Variants in TMEM67 observed in about 807,000 individuals in gnomAD.
TMEM67 encodes meckelin.
A neutral mutation model predicts 136.6 loss-of-function variants in TMEM67; 124 were observed. That is an observed-to-expected ratio of 0.91 (90% CI 0.78 to 1.05). The LOEUF is 1.05. Among genes scored for constraint, TMEM67 ranks in the 50% least tolerant of loss-of-function variants. The pLI is 0.00. For synonymous variants in TMEM67, 364 were observed against 390.5 expected (o/e 0.93, Z 0.80); for missense variants, 1,107 against 1,178.4 (o/e 0.94, Z 0.89).
intron 7 of TMEM67, among the ~76,000 whole-genome samples, chr8:93,780,155 T>C (rs893439076): frequency 2.0e-5 from 3 of 151,954 alleles, no homozygotes; most frequent in African/African-American, 7.3e-5. Flanking sequence ...AGCAAGGCTC[T>C]GTAGGCGTGG....
chr8:93,807,665 C>T (rs1815214779), intron 23 of TMEM67, among the ~76,000 whole-genome samples: 1 of 151,728 alleles, frequency 6.6e-6, no homozygotes, highest in South Asian at 2.1e-4. Context: ...TCTGCAATGG[C>T]ATGAATATTT....
chr8:93,788,360 C>T (rs920564864), intron 14 of TMEM67, among the ~76,000 whole-genome samples: 3 of 152,068 alleles, frequency 2.0e-5, no homozygotes, highest in East Asian at 1.9e-4. Context: ...GCCAGGAATT[C>T]GAGACCAGCC....
At chr8:93,779,192 C>T (rs6471398) in intron 7 of TMEM67, among the ~76,000 whole-genome samples, 98,564 of 151,524 alleles carry the variant, frequency 0.65, 32,638 homozygotes, top group East Asian at 0.82. Flanking sequence ...TGTGCCATGT[C>T]TTTTAGCTCC....
At chr8:93,807,691 A>T (rs1306396996) in intron 23 of TMEM67, among the ~76,000 whole-genome samples, 2 of 151,806 alleles carry the variant, frequency 1.3e-5, no homozygotes, top group Non-Finnish European at 1.5e-5. Context: ...CAAGAAAAAA[A>T]TTTTTTAAAT....
chr8:93,756,020 C>A, intron 2 of TMEM67, 154 bp downstream of exon 2: 1 of 489,988 alleles, frequency 2.0e-6, no homozygotes, highest in South Asian at 4.2e-5. Flanking sequence ...TTTGGGAGAT[C>A]AGCGAAATTT....
intron 3 of TMEM67, chr8:93,759,317 T>C (rs977713780): frequency 6.6e-6 from 1 of 151,204 alleles, no homozygotes; most frequent in African/African-American, 2.4e-5. Flanking sequence ...AAAAAAATTA[T>C]TTGGTTACGG....
At chr8:93,820,966 C>T (rs774688460), downstream of TMEM67, among the ~76,000 whole-genome samples, 47 of 152,024 alleles carry the variant, frequency 3.1e-4, no homozygotes, top group Non-Finnish European at 5.9e-4. Context: ...ATTATTGTTA[C>T]AAGGAATACA....
At position 93,818,062 on chromosome 8, in the gene TMEM67, A is replaced by C. The variant is rs776701095; in HGVS notation, c.*1610A>C. On this transcript the variant is annotated 3_prime_UTR_variant, in exon 28 of 28. Coordinates refer to ENST00000453321, the MANE Select transcript of TMEM67 (RefSeq NM_153704.6). ...AACAGAAAACATTTAAAATCATTCT[A>C]AATTTTGTATGATATTTTTATTTTG... The C allele has an allele frequency of 1.3e-5, 2 of 152,224 alleles. No homozygotes were observed. The highest frequency in any genetic ancestry group is 2.4e-5 in the African/African-American group (1 of 41,468). The allele number at this position is 152,224 out of a possible 1,614,324, so 9.4% of individuals were successfully genotyped here. A position where few individuals can be genotyped will look rare whatever the true frequency, so the allele number is the denominator to read the frequency against.
chr8:93,795,274 G>A, intron 16 of TMEM67, 135 bp from the exon 17 acceptor site: 2 of 788,310 alleles, frequency 2.5e-6, no homozygotes, highest in Non-Finnish European at 4.4e-6. Context: ...TTTATAGCTG[G>A]ATCATATGGG....
chr8:93,789,441 T>C (rs1409063794), intron 14 of TMEM67, among the ~76,000 whole-genome samples: 2 of 152,076 alleles, frequency 1.3e-5, no homozygotes, highest in Non-Finnish European at 2.9e-5. Context: ...CAAGAATGTA[T>C]TTATTTTCAG....
chr8:93,820,283 C>T (rs774119496), downstream of TMEM67, among the ~76,000 whole-genome samples: 1 of 152,096 alleles, frequency 6.6e-6, no homozygotes, highest in Non-Finnish European at 1.5e-5. Context: ...CTCATCACTA[C>T]ATAAAAGGAC....
At chr8:93,803,742 G>C (rs749181351) in intron 22 of TMEM67, 58 bp downstream of exon 22, 3 of 1,057,474 alleles carry the variant, frequency 2.8e-6, no homozygotes, top group Non-Finnish European at 4.4e-6. Flanking sequence ...AAGGTCATGA[G>C]TTTGTTAAGA....
rs753766857 is a variant in TMEM67 at position 93,795,911 on chromosome 8, C to T, written c.1784C>T (p.Ser595Phe). The change falls in exon 18 of 28, where the codon TCT becomes TTT. Residue 595 changes from serine (S) to phenylalanine (F), a missense_variant. Coordinates refer to ENST00000453321, the MANE Select transcript of TMEM67 (RefSeq NM_153704.6). Reference sequence around the variant, plus strand: ...TAATTTTTATTATAGGCACAGAAGTCTGTGTCTGTTTTGCTGCCAATGCCA... The same window carrying T: ...TAATTTTTATTATAGGCACAGAAGTTTGTGTCTGTTTTGCTGCCAATGCCA... ...YWLIFFKAQK[S>F]VSVLLPMPIQ... The T allele has an allele frequency of 6.2e-7, 1 of 1,603,716 alleles. No individual in the cohort carries two copies. The highest frequency in any genetic ancestry group is 2.2e-5 in the East Asian group (1 of 44,828).
chr8:93,803,833 G>A (rs1350165906), intron 22 of TMEM67, 149 bp downstream of exon 22: 2 of 640,174 alleles, frequency 3.1e-6, no homozygotes, highest in Non-Finnish European at 5.7e-6. Flanking sequence ...TAATTATAAT[G>A]AGCTACAAGT....
chr8:93,762,976 G>A, intron 3 of TMEM67: 1 of 431,314 alleles, frequency 2.3e-6, no homozygotes, highest in Non-Finnish European at 4.7e-6. Flanking sequence ...AGGCTGGAGT[G>A]TAGTGGTGTG....
At chr8:93,824,842 G>A in the TMEM67 span, among the ~76,000 whole-genome samples, 1 of 152,202 alleles carries the variant, frequency 6.6e-6, no homozygotes, top group Non-Finnish European at 1.5e-5. Flanking sequence ...AGCCTCTTGA[G>A]TAGCTGGGAT....
intron 14 of TMEM67, among the ~76,000 whole-genome samples, chr8:93,790,221 C>G (rs982405632): frequency 6.6e-6 from 1 of 152,210 alleles, no homozygotes; most frequent in South Asian, 2.1e-4. Flanking sequence ...AGCTATGTCT[C>G]TGCTCTTTAT....
chr8:93,774,692 C>T (rs1340776073), intron 7 of TMEM67, among the ~76,000 whole-genome samples: 1 of 152,184 alleles, frequency 6.6e-6, no homozygotes, highest in Non-Finnish European at 1.5e-5. Flanking sequence ...ATGAACTCAT[C>T]CTTTTTTATG....
Position 93,801,828 on chromosome 8 carries a change from A to G in TMEM67, c.2242-1776A>G, listed in dbSNP as rs76323635. Among the ~76,000 whole-genome samples, 764 of 152,336 alleles carry G rather than the reference A, an allele frequency of 5.0e-3. 1 individual carries two copies. The highest frequency in any genetic ancestry group is 0.017 in the African/African-American group (714 of 41,574). ...TACTCAAACTTGAAACTACAGGGAT[A>G]GAGTTAGTAAAGGACAGCTGACAAC... On this transcript the variant is annotated intron_variant, in intron 21 of 27. Coordinates refer to ENST00000453321, the MANE Select transcript of TMEM67 (RefSeq NM_153704.6).
Sources: gnomAD v4.1 joint callset for allele counts (sites outside exome capture counted in the v4.1 genomes callset) on GRCh38, gnomAD v4.1.1 for gene constraint, MANE v1.5 for transcripts, NCBI Gene and HGNC (gene_info 2026-07-23, HGNC 2026-07-21) for gene names.